Variants in ZNF112 observed in about 807,000 individuals in gnomAD.
ZNF112 encodes the protein zinc finger protein 112, also known as zinc finger protein 112 (Y14).
In ZNF112, 37 loss-of-function variants were observed where a neutral mutation model predicts 77.7. That is an observed-to-expected ratio of 0.48 (90% confidence interval 0.37 to 0.63). The LOEUF (loss-of-function observed/expected upper bound fraction) is 0.63. Among genes scored for constraint, ZNF112 ranks in the 20% least tolerant of loss-of-function variants. ZNF112 has a pLI of 0.00. For missense variants in ZNF112, 950 were observed against 1,077.4 expected (o/e 0.88, Z 1.66); for synonymous variants, 333 against 363.6 (o/e 0.92, Z 0.96).
chr19:44,360,948 T>C (rs2571067), upstream of ZNF112, among the ~76,000 whole-genome samples: 69,629 of 152,048 alleles, frequency 0.46, 19,290 homozygotes, highest in South Asian at 0.62. Context: ...CTGAGAATAC[T>C]CCAGATGTCT....
Position 44,327,741 on chromosome 19 carries a change from T to C in ZNF112, c.2416A>G (p.Lys806Glu), listed in dbSNP as rs1255671157. ...AGACTTGAATACCCACTGAAACCCT[T>C]ACCACACTGTTCACATTTATAGGGT... ...GRPYKCEQCG[K>E]GFSGYSSLQA... Residue 806 changes from lysine to glutamate, a missense_variant, in exon 4 of 4, where the codon AAG becomes GAG. Lys to Glu is a moderately conservative substitution (Grantham distance 56). Transcript: ENST00000354340. The C allele has an allele frequency of 6.2e-7, 1 of 1,613,840 alleles. No homozygotes were observed. Among genetic ancestry groups the C allele is most frequent in the African/African-American group, 1.3e-5 (1 of 74,842 alleles).
At chr19:44,345,779 C>T (rs985880433) in intron 1 of ZNF112, among the ~76,000 whole-genome samples, 7 of 152,114 alleles carry the variant, frequency 4.6e-5, no homozygotes, top group African/African-American at 9.7e-5. Flanking sequence ...GATCTCCAGC[C>T]GTGTCAATCA....
chr19:44,330,906 T>C (rs547795423), intron 3 of ZNF112, among the ~76,000 whole-genome samples: 2 of 152,346 alleles, frequency 1.3e-5, no homozygotes, highest in South Asian at 4.1e-4. Flanking sequence ...CACATAAACA[T>C]GATAATGTTG....
At chr19:44,360,066 C>A (rs1970840043), upstream of ZNF112, among the ~76,000 whole-genome samples, 1 of 149,862 alleles carries the variant, frequency 6.7e-6, no homozygotes, top group South Asian at 2.2e-4. Flanking sequence ...ACCATTCTGG[C>A]TAACACAGTG....
intron 2 of ZNF112, among the ~76,000 whole-genome samples, chr19:44,339,618 T>A (rs1327090147): frequency 6.6e-6 from 1 of 152,216 alleles, no homozygotes; most frequent in East Asian, 1.9e-4. Flanking sequence ...GGACTCTGCC[T>A]CCTGGGCCTC....
intron 1 of ZNF112, among the ~76,000 whole-genome samples, chr19:44,352,288 C>T (rs747090989): frequency 1.3e-5 from 2 of 152,076 alleles, no homozygotes; most frequent in Non-Finnish European, 2.9e-5. Flanking sequence ...TCTACAGGTA[C>T]TTGTCAAACT....
chr19:44,343,973 G>A (rs1012898586), intron 1 of ZNF112, among the ~76,000 whole-genome samples: 1 of 152,140 alleles, frequency 6.6e-6, no homozygotes, highest in African/African-American at 2.4e-5. Context: ...TCTTACTTTT[G>A]TTGCCACAGT....
chr19:44,343,358 T>C, intron 1 of ZNF112: 2 of 1,434,060 alleles, frequency 1.4e-6, no homozygotes, highest in Non-Finnish European at 1.9e-6. Context: ...GGGAAACGTA[T>C]CTTTGTGCAA....
chr19:44,355,486 C>G (rs1458594028), intron 1 of ZNF112, among the ~76,000 whole-genome samples: 1 of 152,054 alleles, frequency 6.6e-6, no homozygotes, highest in Non-Finnish European at 1.5e-5. Context: ...CTTTCACGGT[C>G]CTCTAGTAAA....
intron 1 of ZNF112, among the ~76,000 whole-genome samples, chr19:44,355,915 C>T (rs1369634243): frequency 1.3e-5 from 2 of 152,190 alleles, no homozygotes; most frequent in East Asian, 3.9e-4. Context: ...GACTCCGCTG[C>T]CAAGTGCCAA....
intron 1 of ZNF112, among the ~76,000 whole-genome samples, chr19:44,364,146 A>C (rs1970880992): frequency 6.6e-6 from 1 of 151,914 alleles, no homozygotes; most frequent in Admixed American, 6.6e-5. Flanking sequence ...CTGACCTTGG[A>C]TGATCTGCCC....
intron 1 of ZNF112, among the ~76,000 whole-genome samples, chr19:44,351,935 A>C (rs1347349): frequency 0.19 from 29,341 of 151,990 alleles, 3,525 homozygotes; most frequent in African/African-American, 0.33. Context: ...AAGACACAAA[A>C]CACAAAATAC....
intron 3 of ZNF112, among the ~76,000 whole-genome samples, chr19:44,333,563 C>A (rs568655543): frequency 6.6e-6 from 1 of 152,080 alleles, no homozygotes; most frequent in African/African-American, 2.4e-5. Flanking sequence ...GGTTTAGCAC[C>A]ATCCCCCAAG....
Position 44,327,181 on chromosome 19 carries a change from C to T in ZNF112, c.*252G>A. On this transcript the variant is annotated 3_prime_UTR_variant, in exon 4 of 4. Transcript: ENST00000354340. ...TAGAGAACATGGATTTAGGCATGCT[C>T]ATCACTGTACTTTTATTAAATTCCT... 1 of 376,656 alleles carries T rather than the reference C, an allele frequency of 2.7e-6. No homozygotes were observed. The highest frequency in any genetic ancestry group is 4.7e-6 in the Non-Finnish European group (1 of 211,166). 23.3% of individuals were successfully genotyped at this position (376,656 alleles called of 1,614,324 possible).
chr19:44,338,964 G>A (rs1970439108), intron 2 of ZNF112, among the ~76,000 whole-genome samples: 1 of 152,132 alleles, frequency 6.6e-6, no homozygotes, highest in Non-Finnish European at 1.5e-5. Flanking sequence ...AGGTGGCTGA[G>A]GCACGAGAAT....
Position 44,328,246 on chromosome 19 carries a change from C to T in ZNF112, c.1911G>A (p.Gly637=). 1.2e-6 allele frequency: 2 copies of T among 1,614,020 alleles called. No individual in the cohort carries two copies. The highest frequency in any genetic ancestry group is 1.7e-6 in the Non-Finnish European group (2 of 1,179,970). The change falls in exon 4 of 4, where the codon GGG becomes GGA. Residue 637 remains glycine (G), a synonymous_variant. Transcript: ENST00000354340. The part of the protein sequence containing the change: ...GEKPFKCEEC[G]KGFSWSFNLQ... ...GATTAAAGCTCCAACTGAACCCCTT[C>T]CCACATTCCTCACATTTGAATGGTT...
chr19:44,327,390 A>G lies in ZNF112; in HGVS notation c.*43T>C. 1 of 1,484,036 alleles carries G rather than the reference A, an allele frequency of 6.7e-7. No homozygotes were observed. The highest frequency in any genetic ancestry group is 9.1e-7 in the Non-Finnish European group (1 of 1,104,730). The allele number at this position is 1,484,036 out of a possible 1,614,324, so 91.9% of individuals were successfully genotyped here. ...TTTTAAAAATTCTTTTTCTACTGAA[A>G]GAACTCTAGTGACTGGAAAATTTCA... On this transcript the variant is annotated 3_prime_UTR_variant, in exon 4 of 4. Coordinates refer to ENST00000354340, the MANE Select transcript of ZNF112 (RefSeq NM_013380.4).
chr19:44,345,458 C>T (rs926447256), intron 1 of ZNF112, among the ~76,000 whole-genome samples: 2 of 152,166 alleles, frequency 1.3e-5, no homozygotes, highest in Non-Finnish European at 2.9e-5. Flanking sequence ...TCACGCACTC[C>T]GTGTGAGGAC....
chr19:44,327,310 GTGGTCTCCTGGCCA>G lies in ZNF112; in HGVS notation c.*109_*122del. The G allele has an allele frequency of 1.3e-6, 1 of 748,546 alleles. No individual in the cohort carries two copies. The highest frequency in any genetic ancestry group is 2.1e-6 in the Non-Finnish European group (1 of 470,188). 46.4% of individuals were successfully genotyped at this position (748,546 alleles called of 1,614,324 possible). On this transcript the variant is annotated 3_prime_UTR_variant, in exon 4 of 4. Coordinates refer to ENST00000354340, the MANE Select transcript of ZNF112 (RefSeq NM_013380.4). ...CCCTCTCATTAAATGTCTCTGTTGT[GTGGTCTCCTGGCCA>G]TTATGAATGTTGAAGTTGGGCAGCA...
Sources: allele counts gnomAD v4.1 joint callset (sites outside exome capture counted in the v4.1 genomes callset), GRCh38; gene constraint gnomAD v4.1.1; transcripts MANE v1.5; gene names NCBI Gene and HGNC (gene_info 2026-07-23, HGNC 2026-07-21).